Variants in CTCF observed in about 807,000 individuals in gnomAD.
The protein encoded by CTCF is CCCTC-binding factor, also known as transcriptional repressor CTCF.
Under a neutral mutation model 72.3 loss-of-function variants are expected in CTCF, and 7 were observed. That is an observed-to-expected ratio of 0.10 (90% CI 0.06 to 0.18). The LOEUF (loss-of-function observed/expected upper bound fraction) is 0.18. Among genes scored for constraint, CTCF ranks in the 10% least tolerant of loss-of-function variants. The pLI is 1.00. For missense variants in CTCF, 516 were observed against 949.1 expected (o/e 0.54, Z 6.00); for synonymous variants, 374 against 315.8 (o/e 1.18, Z -1.95).
intron 10 of CTCF, among the ~76,000 whole-genome samples, chr16:67,636,382 A>G (rs939080394): frequency 6.6e-6 from 1 of 150,468 alleles, no homozygotes. Flanking sequence ...AAAAAAAAAA[A>G]AAGAAGGAAA....
chr16:67,632,897 G>A (rs749728013), intron 10 of CTCF, among the ~76,000 whole-genome samples: 1 of 152,158 alleles, frequency 6.6e-6, no homozygotes. Context: ...GAAAGAGAGT[G>A]CATGTTAATA....
At chr16:67,579,727 C>T (rs1181174078) in intron 2 of CTCF, among the ~76,000 whole-genome samples, 1 of 152,080 alleles carries the variant, frequency 6.6e-6, no homozygotes, top group African/African-American at 2.4e-5. Flanking sequence ...GAAAAATACC[C>T]TAGTAGTAGA....
intron 1 of CTCF, among the ~76,000 whole-genome samples, chr16:67,564,721 A>T (rs943353568): frequency 4.6e-5 from 7 of 152,234 alleles, no homozygotes; most frequent in Non-Finnish European, 1.0e-4. Context: ...ATTAAAATAC[A>T]GCAGGTGTAT....
At chr16:67,611,844 G>A (rs145879110) in intron 3 of CTCF, 107 bp from the exon 4 acceptor site, 47 of 1,080,768 alleles carry the variant, frequency 4.3e-5, no homozygotes, top group Non-Finnish European at 6.5e-5. Flanking sequence ...CTTATATTGG[G>A]TTTTGTTATT....
rs1041633858 is a variant in CTCF at position 67,639,112 on chromosome 16, G to A, written c.*1240G>A. The A allele has an allele frequency of 1.0e-5, 2 of 198,420 alleles. No homozygotes were observed. Among genetic ancestry groups the A allele is most frequent in the African/African-American group, 4.6e-5 (2 of 43,332 alleles). The allele number at this position is 198,420 out of a possible 1,614,324, so 12.3% of individuals were successfully genotyped here. On this transcript the variant is annotated 3_prime_UTR_variant, in exon 12 of 12. Transcript: ENST00000264010. ...AGACCTGTAATAAAATATGTAATGG[G>A]GTTGAAAGCTGGGGAGGAGGATCTA...
chr16:67,610,745 G>C lies in CTCF; in HGVS notation c.-9-79G>C, dbSNP rs564727942. On this transcript the variant is annotated intron_variant, in intron 2 of 11. Transcript: ENST00000264010. ...TGATGCCTAATTCATTCACCAAAGG[G>C]TCTTTTTGTTTTAAAATGTATATTT... is the stretch of plus-strand genomic sequence containing the variant. The C allele has an allele frequency of 2.1e-5, 22 of 1,041,332 alleles. No individual in the cohort carries two copies. In the East Asian group the frequency reaches 5.7e-4, roughly 27 times the overall value. 64.5% of individuals were successfully genotyped at this position (1,041,332 alleles called of 1,614,324 possible).
intron 2 of CTCF, among the ~76,000 whole-genome samples, chr16:67,598,370 C>T (rs982421143): frequency 8.6e-5 from 13 of 151,992 alleles, no homozygotes; most frequent in African/African-American, 3.1e-4. Flanking sequence ...TGTATATTTT[C>T]CTATATTTAT....
Position 67,611,354 on chromosome 16 carries a change from G to A in CTCF, c.522G>A (p.Glu174=), listed in dbSNP as rs2142825857. ...FQVVKVGANG[E]VETLEQGELP... is the part of the protein sequence containing the mutation. ...TGGTTAAAGTGGGGGCCAATGGAGA[G>A]GTGGAGACACTAGAACAAGGGGAAC... The change falls in exon 3 of 12, where the codon GAG becomes GAA. Residue 174 remains glutamate, a synonymous_variant. Coordinates refer to ENST00000264010, the MANE Select transcript of CTCF (RefSeq NM_006565.4). The A allele has an allele frequency of 1.9e-6, 3 of 1,614,130 alleles. No individual in the cohort carries two copies. Among genetic ancestry groups the A allele is most frequent in the Non-Finnish European group, 2.5e-6 (3 of 1,180,026 alleles).
At chr16:67,623,722 C>T in intron 7 of CTCF, among the ~76,000 whole-genome samples, 1 of 151,738 alleles carries the variant, frequency 6.6e-6, no homozygotes, top group East Asian at 1.9e-4. Context: ...CTAGACCAAC[C>T]TGTGTGATAT....
In CTCF at chr16:67,611,435, C is replaced by G; in HGVS notation, c.603C>G (p.Ala201=). 3 of 1,613,714 alleles carry G rather than the reference C, an allele frequency of 1.9e-6. No individual in the cohort carries two copies. Among genetic ancestry groups the G allele is most frequent in the Non-Finnish European group, 2.5e-6 (3 of 1,179,916 alleles). The change falls in exon 3 of 12, where the codon GCC becomes GCG. Residue 201 remains alanine (A), a synonymous_variant. Coordinates refer to ENST00000264010, the MANE Select transcript of CTCF (RefSeq NM_006565.4). ...AAGACCCAGACTATCAGCCACCAGC[C>G]AAAAAAACAAAGAAAACCAAAAAGA... ...WQKDPDYQPP[A]KKTKKTKKSK...
intron 2 of CTCF, among the ~76,000 whole-genome samples, chr16:67,603,128 A>C (rs771101242): frequency 6.6e-6 from 1 of 152,136 alleles, no homozygotes; most frequent in African/African-American, 2.4e-5. Context: ...ACGACGGCAC[A>C]TACCTGTAAT....
intron 2 of CTCF, among the ~76,000 whole-genome samples, chr16:67,605,349 A>G (rs1375363478): frequency 6.6e-6 from 1 of 152,126 alleles, no homozygotes; most frequent in Non-Finnish European, 1.5e-5. Context: ...GCATTCTACA[A>G]ATGTTCTTTG....
chr16:67,623,845 G>A (rs182040358), intron 7 of CTCF, among the ~76,000 whole-genome samples: 49 of 152,090 alleles, frequency 3.2e-4, no homozygotes, highest in Middle Eastern at 6.8e-3. Context: ...GTCAGGAGAT[G>A]AAGACCATCC....
chr16:67,575,916 G>A (rs1037567131), intron 2 of CTCF, among the ~76,000 whole-genome samples: 3 of 151,082 alleles, frequency 2.0e-5, no homozygotes, highest in African/African-American at 7.3e-5. Context: ...GTTGCATGTT[G>A]CAAGGGATAT....
At chr16:67,630,388 C>T (rs542626636) in intron 10 of CTCF, among the ~76,000 whole-genome samples, 1 of 152,228 alleles carries the variant, frequency 6.6e-6, no homozygotes, top group African/African-American at 2.4e-5. Context: ...GCCTATTTTC[C>T]TACCACAGGT....
chr16:67,585,613 T>C (rs79868332), intron 2 of CTCF, among the ~76,000 whole-genome samples: 6,377 of 152,310 alleles, frequency 0.042, 139 homozygotes, highest in Non-Finnish European at 0.055. Flanking sequence ...GTAGTGCACT[T>C]GGACCACTGA....
chr16:67,581,654 C>G (rs1486519632), intron 2 of CTCF, among the ~76,000 whole-genome samples: 1 of 152,010 alleles, frequency 6.6e-6, no homozygotes. Flanking sequence ...CAGTCGTGCA[C>G]CACCACACCC....
chr16:67,613,498 CTAAA>C (rs1394465977), intron 4 of CTCF, among the ~76,000 whole-genome samples: 4 of 152,126 alleles, frequency 2.6e-5, no homozygotes. Context: ...GGGCATATGA[CTAAA>C]TAAAAGTAAC....
intron 5 of CTCF, among the ~76,000 whole-genome samples, chr16:67,617,575 G>C (rs1422893586): frequency 6.6e-6 from 1 of 152,124 alleles, no homozygotes; most frequent in Non-Finnish European, 1.5e-5. Context: ...CCAGCTACTT[G>C]GGAGGCTGAG....
Sources: allele counts gnomAD v4.1 joint callset (sites outside exome capture counted in the v4.1 genomes callset), GRCh38; gene constraint gnomAD v4.1.1; transcripts MANE v1.5; gene names NCBI Gene and HGNC (gene_info 2026-07-23, HGNC 2026-07-21).